TENM3: variants seen among roughly 807,000 people sequenced by gnomAD.
TENM3 encodes the protein teneurin-3.
Under a neutral mutation model 255.1 loss-of-function variants are expected in TENM3, and 63 were observed. The observed-to-expected ratio is 0.25, with a 90% confidence interval of 0.20 to 0.30. The LOEUF (loss-of-function observed/expected upper bound fraction) is 0.30. TENM3 is among the 10% of genes least tolerant of loss of function. The pLI is 1.00. For synonymous variants in TENM3, 1,306 were observed against 1,322.3 expected, an observed-to-expected ratio of 0.99 and a Z score of 0.27; for missense variants, 2,929 against 3,461.1, an observed-to-expected ratio of 0.85 and a Z score of 3.86.
intron 1 of TENM3, among the ~76,000 whole-genome samples, chr4:182,275,217 C>T (rs1342915281): frequency 6.6e-6 from 1 of 152,192 alleles, no homozygotes; most frequent in Non-Finnish European, 1.5e-5. Context: ...GCTGGCTCTC[C>T]TGAACCAGGT....
chr4:182,572,544 G>T (rs186608768), intron 3 of TENM3, among the ~76,000 whole-genome samples: 24 of 152,276 alleles, frequency 1.6e-4, no homozygotes, highest in African/African-American at 5.8e-4. Context: ...CAGCGGAGTT[G>T]ATCTTAATGC....
chr4:182,281,312 A>G (rs1760371982), intron 1 of TENM3, among the ~76,000 whole-genome samples: 1 of 152,234 alleles, frequency 6.6e-6, no homozygotes, highest in South Asian at 2.1e-4. Flanking sequence ...AATAACAGAT[A>G]TATTTAAAGA....
chr4:182,793,120 C>T lies in TENM3; in HGVS notation c.6448C>T (p.Arg2150Trp), dbSNP rs745926916. The T allele has an allele frequency of 5.0e-6, 8 of 1,613,792 alleles. No homozygotes were observed. Among genetic ancestry groups the T allele is most frequent in the South Asian group, 2.2e-5 (2 of 91,082 alleles). Residue 2150 changes from arginine to tryptophan, a missense_variant, in exon 26 of 28, where the codon CGG (arginine) becomes TGG (tryptophan). Around this residue, in one of 6 missense-constraint regions of TENM3, gnomAD observed 256 missense variants for 389.3 expected, o/e 0.66. Coordinates refer to ENST00000511685, the MANE Select transcript of TENM3 (RefSeq NM_001080477.4). The surrounding 1 kb of genome is among the most constrained non-coding windows in gnomAD (Gnocchi z 5.7). ...TTACCTCAATGAAAAGATAATGTGG[C>T]GGTACAACTACGATCTGAATGGAAA... ...TVYLNEKIMW[R>W]YNYDLNGNLH...
the TENM3 span, among the ~76,000 whole-genome samples, chr4:182,118,672 G>T: frequency 6.6e-6 from 1 of 151,996 alleles, no homozygotes; most frequent in Non-Finnish European, 1.5e-5. Context: ...ATTATGAATA[G>T]GTGTTAGATT....
chr4:181,605,570 GAGAGAGAAAGAAAGGAAAGAAAGAAA>G, the TENM3 span, among the ~76,000 whole-genome samples: 16 of 24,824 alleles, frequency 6.4e-4, 1 homozygote, highest in Admixed American at 4.5e-3. Context: ...AAGAAAGAAA[GAGAGAGAAAGAAAGGAAAGAAAGAAA>G]GAAAGAAAGA....
At chr4:181,823,426 A>C in the TENM3 span, among the ~76,000 whole-genome samples, 1 of 152,116 alleles carries the variant, frequency 6.6e-6, no homozygotes, top group Admixed American at 6.6e-5. Flanking sequence ...ATTCATATTG[A>C]GATCCTCCTC....
the TENM3 span, among the ~76,000 whole-genome samples, chr4:181,563,591 G>A: frequency 1.3e-5 from 2 of 152,156 alleles, no homozygotes; most frequent in Non-Finnish European, 2.9e-5. Flanking sequence ...AAGGATGTGG[G>A]ACTTTGGAAC....
the TENM3 span, among the ~76,000 whole-genome samples, chr4:181,519,092 G>C: frequency 2.0e-5 from 3 of 152,202 alleles, no homozygotes; most frequent in Non-Finnish European, 4.4e-5. Context: ...CTTTGACAAA[G>C]GAGATTGTGG....
At chr4:182,383,915 TC>T in intron 3 of TENM3, among the ~76,000 whole-genome samples, 1 of 152,166 alleles carries the variant, frequency 6.6e-6, no homozygotes, top group Admixed American at 6.5e-5. Context: ...TACATCAAAT[TC>T]AGCTAAGTAT....
chr4:182,224,910 T>C (rs1227664426), intron 1 of TENM3, among the ~76,000 whole-genome samples: 2 of 152,020 alleles, frequency 1.3e-5, no homozygotes, highest in Non-Finnish European at 2.9e-5. Flanking sequence ...CTAATTTTTG[T>C]ATTTTTAGTG....
At chr4:181,534,134 T>G in the TENM3 span, among the ~76,000 whole-genome samples, 6 of 151,308 alleles carry the variant, frequency 4.0e-5, no homozygotes, top group African/African-American at 1.5e-4. Context: ...CTCATGCCTG[T>G]AATCCCAGCA....
At chr4:182,296,705 A>T (rs752721364) in intron 1 of TENM3, among the ~76,000 whole-genome samples, 46 of 152,206 alleles carry the variant, frequency 3.0e-4, no homozygotes, top group Admixed American at 9.2e-4. Context: ...TTTGAGTATG[A>T]TGTCTTAATT....
the TENM3 span, among the ~76,000 whole-genome samples, chr4:181,917,024 G>A: frequency 1.3e-5 from 2 of 152,070 alleles, no homozygotes; most frequent in African/African-American, 4.8e-5. Flanking sequence ...TCCTTTCTCA[G>A]GTCTGTTATA....
At chr4:182,314,572 G>A (rs1762644785) in intron 1 of TENM3, among the ~76,000 whole-genome samples, 1 of 152,142 alleles carries the variant, frequency 6.6e-6, no homozygotes, top group South Asian at 2.1e-4. Context: ...TTTAATTGGT[G>A]TGTGTAAATT....
intron 1 of TENM3, among the ~76,000 whole-genome samples, chr4:182,312,950 T>A (rs1762540478): frequency 6.6e-6 from 1 of 152,238 alleles, no homozygotes; most frequent in African/African-American, 2.4e-5. Context: ...ACTGGATTAA[T>A]ATATATTACT....
At chr4:182,656,919 C>T (rs1402267866) in intron 6 of TENM3, among the ~76,000 whole-genome samples, 1 of 152,144 alleles carries the variant, frequency 6.6e-6, no homozygotes, top group Non-Finnish European at 1.5e-5. Context: ...CCTTCTTTGC[C>T]TACAGATTTT....
At chr4:181,847,972 T>A in the TENM3 span, among the ~76,000 whole-genome samples, 1 of 152,164 alleles carries the variant, frequency 6.6e-6, no homozygotes, top group African/African-American at 2.4e-5. Flanking sequence ...CAAGAAATAT[T>A]ATTTGAAACT....
chr4:182,592,303 G>A (rs1439721272), intron 3 of TENM3, among the ~76,000 whole-genome samples: 2 of 152,064 alleles, frequency 1.3e-5, no homozygotes, highest in African/African-American at 4.8e-5. Context: ...AGAGTTAGTC[G>A]ATAATGAAAT....
intron 18 of TENM3, among the ~76,000 whole-genome samples, chr4:182,740,884 A>C (rs1761553565): frequency 6.6e-6 from 1 of 152,188 alleles, no homozygotes; most frequent in African/African-American, 2.4e-5. Flanking sequence ...CTAAATTATA[A>C]AATATATTTA....
Sources: gnomAD v4.1 joint callset for allele counts (sites outside exome capture counted in the v4.1 genomes callset) on GRCh38, gnomAD v4.1.1 for gene constraint, gnomAD v4.1.1 regional missense constraint, Gnocchi (gnomAD v3.1) non-coding constraint, MANE v1.5 for transcripts, NCBI Gene and HGNC (gene_info 2026-07-23, HGNC 2026-07-21) for gene names.